ASIC2: variants seen among roughly 807,000 people sequenced by gnomAD.
ASIC2 encodes the protein acid-sensing ion channel 2.
In ASIC2, 25 loss-of-function variants were observed where a neutral mutation model predicts 57.3. That is an observed-to-expected ratio of 0.44 (90% CI 0.32 to 0.61). The LOEUF is 0.61. ASIC2 is among the 20% of genes least tolerant of loss of function. The probability of loss-of-function intolerance (pLI) is 0.06; values close to 1 mark genes in which losing one functional copy is unlikely to be tolerated. For synonymous variants in ASIC2, 319 were observed against 307.5 expected (o/e 1.04, Z -0.39); for missense variants, 641 against 738.1 (o/e 0.87, Z 1.52).
At chr17:33,457,626 A>C (rs1040639796) in intron 1 of ASIC2, among the ~76,000 whole-genome samples, 2 of 152,190 alleles carry the variant, frequency 1.3e-5, no homozygotes, top group Non-Finnish European at 2.9e-5. Context: ...TACACTAATG[A>C]TGCTGCTGCT....
At chr17:33,746,555 T>A (rs1391758390) in intron 1 of ASIC2, among the ~76,000 whole-genome samples, 1 of 151,734 alleles carries the variant, frequency 6.6e-6, no homozygotes. Flanking sequence ...ATATACCTAA[T>A]GACAGAGACC....
At chr17:33,889,951 C>T (rs1050339761) in intron 1 of ASIC2, among the ~76,000 whole-genome samples, 7 of 152,140 alleles carry the variant, frequency 4.6e-5, no homozygotes, top group African/African-American at 1.7e-4. Context: ...ATAAGCATGT[C>T]CTCCTTCTAG....
At chr17:33,390,295 A>C (rs956543621) in intron 1 of ASIC2, among the ~76,000 whole-genome samples, 10 of 152,240 alleles carry the variant, frequency 6.6e-5, no homozygotes, top group African/African-American at 2.2e-4. Flanking sequence ...CATGGGCCAC[A>C]GAGCGAGATT....
chr17:33,200,836 G>A (rs1906829501), intron 1 of ASIC2, among the ~76,000 whole-genome samples: 1 of 152,120 alleles, frequency 6.6e-6, no homozygotes, highest in Admixed American at 6.6e-5. Flanking sequence ...CACCCTCAGA[G>A]TAATGCTAGA....
At chr17:33,446,507 G>A (rs1018091555) in intron 1 of ASIC2, among the ~76,000 whole-genome samples, 5 of 152,104 alleles carry the variant, frequency 3.3e-5, no homozygotes, top group African/African-American at 9.7e-5. Context: ...CAACTACCAC[G>A]CTGAAAGCAT....
At chr17:33,425,709 A>T (rs1332950357) in intron 1 of ASIC2, among the ~76,000 whole-genome samples, 1 of 152,144 alleles carries the variant, frequency 6.6e-6, no homozygotes, top group East Asian at 1.9e-4. Flanking sequence ...CTGGAAGGGG[A>T]TAGACCAGTA....
chr17:33,717,640 G>A (rs1567697097), intron 1 of ASIC2, among the ~76,000 whole-genome samples: 3 of 152,128 alleles, frequency 2.0e-5, no homozygotes, highest in Non-Finnish European at 2.9e-5. Flanking sequence ...TCCCTTTATG[G>A]ACGCATGAGA....
intron 1 of ASIC2, among the ~76,000 whole-genome samples, chr17:33,469,768 A>G (rs1912982736): frequency 6.6e-6 from 1 of 152,204 alleles, no homozygotes; most frequent in South Asian, 2.1e-4. Flanking sequence ...AGGGAAGCCC[A>G]TACTTCACTC....
At chr17:33,083,256 A>G (rs1206605242) in intron 3 of ASIC2, among the ~76,000 whole-genome samples, 1 of 152,188 alleles carries the variant, frequency 6.6e-6, no homozygotes, top group African/African-American at 2.4e-5. Context: ...GAGGGCTCTG[A>G]GACTATAAGA....
rs376572797 is a variant in ASIC2, at chr17:33,014,079, G to T, written c.1591-13C>A. ...TGTCACAAGTACTCTGGAAGGGAAGGGTTGGTGGGAGTTTATTATTCGCTC... is the reference window on the plus strand; with the variant it reads ...TGTCACAAGTACTCTGGAAGGGAAGTGTTGGTGGGAGTTTATTATTCGCTC... On this transcript the variant is annotated splice_polypyrimidine_tract_variant and intron_variant, in intron 9 of 9. Transcript: ENST00000225823. 12 of 1,572,584 alleles carry T rather than the reference G, an allele frequency of 7.6e-6. No individual in the cohort carries two copies. Among genetic ancestry groups the T allele is most frequent in the Middle Eastern group, 1.7e-4 (1 of 6,020 alleles).
At chr17:33,094,795 G>A (rs566580768) in intron 2 of ASIC2, among the ~76,000 whole-genome samples, 2 of 152,296 alleles carry the variant, frequency 1.3e-5, no homozygotes, top group South Asian at 4.1e-4. Context: ...CCTCTTTAAG[G>A]ATCTCCCCAG....
intron 1 of ASIC2, among the ~76,000 whole-genome samples, chr17:34,153,702 A>C (rs1026093696): frequency 6.6e-6 from 1 of 152,220 alleles, no homozygotes; most frequent in Non-Finnish European, 1.5e-5. Context: ...CTTGAACAGC[A>C]GCACTGAGGC....
chr17:33,137,897 C>A (rs1260135346), intron 1 of ASIC2, among the ~76,000 whole-genome samples: 1 of 152,144 alleles, frequency 6.6e-6, no homozygotes, highest in Non-Finnish European at 1.5e-5. Context: ...TGCCTTTTAG[C>A]CTAAAAGACA....
intron 1 of ASIC2, among the ~76,000 whole-genome samples, chr17:34,153,574 T>C (rs1904606941): frequency 2.0e-5 from 3 of 152,202 alleles, no homozygotes; most frequent in Admixed American, 2.0e-4. Context: ...ATGTTCCCTC[T>C]AGTAAAGGCT....
intron 1 of ASIC2, among the ~76,000 whole-genome samples, chr17:34,019,977 G>A (rs1907099715): frequency 6.6e-6 from 1 of 152,114 alleles, no homozygotes; most frequent in South Asian, 2.1e-4. Flanking sequence ...TAAAACAGAA[G>A]CTACAAGGAC....
intron 1 of ASIC2, among the ~76,000 whole-genome samples, chr17:33,596,565 G>A (rs368015890): frequency 2.0e-5 from 3 of 152,020 alleles, no homozygotes; most frequent in Non-Finnish European, 2.9e-5. Context: ...CAGCGCCCCC[G>A]GCCTTGGTGT....
At chr17:33,196,458 T>C (rs963352171) in intron 1 of ASIC2, among the ~76,000 whole-genome samples, 3 of 152,064 alleles carry the variant, frequency 2.0e-5, no homozygotes, top group Admixed American at 6.5e-5. Context: ...CTTGCAGTTA[T>C]CTGCTGGGAG....
At position 33,158,635 on chromosome 17, in the gene ASIC2, C is replaced by T. The variant is rs556795320; in HGVS notation, c.709-46568G>A. Among the ~76,000 whole-genome samples, 8 of 152,334 alleles carry T rather than the reference C, an allele frequency of 5.3e-5. No individual in the cohort carries two copies. The East Asian group carries it at 1.2e-3, about 22-fold the overall frequency. Reference sequence around the variant, plus strand: ...GCCTACTTCTCAGCAACCTATAAAACGCAGGCTGTGGAGCCAAACTGTCTG... The same window carrying T: ...GCCTACTTCTCAGCAACCTATAAAATGCAGGCTGTGGAGCCAAACTGTCTG... On this transcript the variant is annotated intron_variant, in intron 1 of 9. Transcript: ENST00000225823.
chr17:33,056,234 T>C (rs1183283753), intron 3 of ASIC2, among the ~76,000 whole-genome samples: 1 of 152,208 alleles, frequency 6.6e-6, no homozygotes, highest in Non-Finnish European at 1.5e-5. Flanking sequence ...GATTTTGCTG[T>C]AGCCACAGGT....
Sources: allele counts gnomAD v4.1 joint callset (sites outside exome capture counted in the v4.1 genomes callset), GRCh38; gene constraint gnomAD v4.1.1; transcripts MANE v1.5; gene names NCBI Gene and HGNC (gene_info 2026-07-23, HGNC 2026-07-21).